Variants in LAT2 observed in about 807,000 individuals in gnomAD.
The protein encoded by LAT2 is linker for activation of T-cells family member 2.
Under a neutral mutation model 43.4 loss-of-function variants are expected in LAT2, and 23 were observed. That is an observed-to-expected ratio of 0.53 (90% CI 0.38 to 0.75). The LOEUF is 0.75. Ranked by LOEUF, LAT2 falls within the 30% of genes least tolerant of loss-of-function variation. LAT2 has a pLI of 0.00. For missense variants in LAT2, 284 were observed against 310.2 expected (o/e 0.92, Z 0.64); for synonymous variants, 128 against 123.2 (o/e 1.04, Z -0.26).
intron 13 of LAT2, among the ~76,000 whole-genome samples, chr7:74,227,055 C>CTT (rs35992128): frequency 8.2e-5 from 11 of 133,856 alleles, no homozygotes; most frequent in African/African-American, 2.5e-4. Flanking sequence ...GTTGTTTTTT[C>CTT]TTTTTTTTTT....
At chr7:74,214,776 A>AATATATATATATACATATATATATAAAT (rs1801969797) in intron 1 of LAT2, 46 bp from the exon 2 acceptor site, 1 of 60,952 alleles carries the variant, frequency 1.6e-5, no homozygotes, top group African/African-American at 9.0e-5. Flanking sequence ...TATATATATA[A>AATATATATATATACATATATATATAAAT]ATATATATAT....
intron 9 of LAT2, among the ~76,000 whole-genome samples, chr7:74,221,089 G>A (rs1472296850): frequency 6.6e-6 from 1 of 152,096 alleles, no homozygotes; most frequent in Non-Finnish European, 1.5e-5. Context: ...TCTCACAGAT[G>A]GGCAAACGAT....
chr7:74,212,276 A>T (rs1801760087), intron 1 of LAT2, among the ~76,000 whole-genome samples: 1 of 149,974 alleles, frequency 6.7e-6, no homozygotes, highest in African/African-American at 2.4e-5. Context: ...TATTTAATTT[A>T]TTATTATTAT....
At chr7:74,218,280 TCTGA>T (rs1478940802) in intron 4 of LAT2, among the ~76,000 whole-genome samples, 2 of 152,202 alleles carry the variant, frequency 1.3e-5, no homozygotes, top group Non-Finnish European at 1.5e-5. Context: ...GGAAGCCACG[TCTGA>T]CTGACTCTCT....
In LAT2 at chr7:74,220,458, G is replaced by A. The variant is rs1802223841; in HGVS notation, c.266-126G>A. On this transcript the variant is annotated intron_variant, in intron 7 of 13. Transcript: ENST00000460943. This position sits in a 1 kb window ranked among gnomAD's most constrained non-coding sequence, Gnocchi z 4.5. The stretch of plus-strand genomic sequence containing the variant: ...TGCACACTCGCACATGCCCCACTGA[G>A]GGGACAGGGAGCACTGCAAAGGCTC... 7.5e-7 allele frequency: 1 copy of A among 1,333,040 alleles called. No individual in the cohort carries two copies. The highest frequency in any genetic ancestry group is 1.1e-6 in the Non-Finnish European group (1 of 940,524). 82.6% of individuals were successfully genotyped at this position (1,333,040 alleles called of 1,614,324 possible).
At chr7:74,223,684 T>G (rs1802374199) in intron 10 of LAT2, 40 bp from the exon 11 acceptor site, 1 of 1,587,268 alleles carries the variant, frequency 6.3e-7, no homozygotes, top group African/African-American at 1.3e-5. Context: ...CTTTGCAGGG[T>G]CTGCCCACAC....
At chr7:74,216,138 C>T (rs1261605166) in intron 3 of LAT2, 69 bp downstream of exon 3, 3 of 1,326,474 alleles carry the variant, frequency 2.3e-6, no homozygotes, top group African/African-American at 2.9e-5. Flanking sequence ...CCCTCTCAGG[C>T]CCAGACGTGG....
chr7:74,218,700 CTTTA>C (rs1802135012), intron 4 of LAT2, among the ~76,000 whole-genome samples: 1 of 152,156 alleles, frequency 6.6e-6, no homozygotes, highest in Admixed American at 6.6e-5. Context: ...TTATTTATTT[CTTTA>C]TTTATTTAGA....
At position 74,220,475 on chromosome 7, in the gene LAT2, C is replaced by T; in HGVS notation, c.266-109C>T. 1 of 1,453,488 alleles carries T rather than the reference C, an allele frequency of 6.9e-7. No homozygotes were observed. Among genetic ancestry groups the T allele is most frequent in the Non-Finnish European group, 9.6e-7 (1 of 1,045,066 alleles). The allele number at this position is 1,453,488 out of a possible 1,614,324, so 90.0% of individuals were successfully genotyped here. ...CCCACTGAGGGGACAGGGAGCACTG[C>T]AAAGGCTCAGACACGGGAAATAGCT... On this transcript the variant is annotated intron_variant, in intron 7 of 13. Transcript: ENST00000460943. The surrounding 1 kb of genome is among the most constrained non-coding windows in gnomAD (Gnocchi z 4.5).
At chr7:74,214,671 T>A (rs1189393565) in intron 1 of LAT2, among the ~76,000 whole-genome samples, 151 bp from the exon 2 acceptor site, 1 of 79,168 alleles carries the variant, frequency 1.3e-5, no homozygotes, top group South Asian at 3.7e-4. Context: ...AATATATATA[T>A]AAATATATAT....
chr7:74,216,808 C>T lies in LAT2; in HGVS notation c.95-17C>T. The T allele has an allele frequency of 1.2e-6, 2 of 1,613,464 alleles. No homozygotes were observed. Among genetic ancestry groups the T allele is most frequent in the South Asian group, 1.1e-5 (1 of 91,062 alleles). ...GCTGCTCCCAGACCCTTTGCTAATC[C>T]TGGCCTTTTCTTGCAGGTGCAAAGA... On this transcript the variant is annotated splice_polypyrimidine_tract_variant and intron_variant, in intron 3 of 13. Coordinates refer to ENST00000460943, the MANE Select transcript of LAT2 (RefSeq NM_032464.3).
At chr7:74,213,852 C>G (rs982841323) in intron 1 of LAT2, among the ~76,000 whole-genome samples, 3 of 151,382 alleles carry the variant, frequency 2.0e-5, no homozygotes. Flanking sequence ...AGTGGACACT[C>G]GGGAGTGTTG....
intron 13 of LAT2, chr7:74,225,973 C>A (rs1554716048): frequency 2.6e-5 from 4 of 152,264 alleles, no homozygotes; most frequent in Non-Finnish European, 5.9e-5. Context: ...AACCCCTGAC[C>A]CCTTAGAACT....
chr7:74,221,527 CAA>C, intron 9 of LAT2, 108 bp from the exon 10 acceptor site: 1 of 696,100 alleles, frequency 1.4e-6, no homozygotes, highest in Non-Finnish European at 2.4e-6. Context: ...CCATGGCCCC[CAA>C]GAGGAGCAAT....
intron 1 of LAT2, among the ~76,000 whole-genome samples, chr7:74,213,619 T>G (rs887298428): frequency 6.6e-6 from 1 of 151,888 alleles, no homozygotes; most frequent in Non-Finnish European, 1.5e-5. Flanking sequence ...GAGATGGGGT[T>G]TCACCATGTT....
chr7:74,220,136 CA>C lies in LAT2; in HGVS notation c.228-79del. 1.9e-6 allele frequency: 3 copies of C among 1,563,838 alleles called. No homozygotes were observed. Among genetic ancestry groups the C allele is most frequent in the Non-Finnish European group, 2.6e-6 (3 of 1,146,316 alleles). On this transcript the variant is annotated intron_variant, in intron 6 of 13. Coordinates refer to ENST00000460943, the MANE Select transcript of LAT2 (RefSeq NM_032464.3). This position sits in a 1 kb window ranked among gnomAD's most constrained non-coding sequence, Gnocchi z 4.5. ...CCAGGGCTCAGCTATGAAGGCCCCA[CA>C]AGGGGTATGGGGGGATGTGTCCTGG...
intron 4 of LAT2, among the ~76,000 whole-genome samples, chr7:74,218,264 C>A (rs1417569860): frequency 7.9e-5 from 12 of 152,224 alleles, no homozygotes; most frequent in Non-Finnish European, 1.5e-5. Flanking sequence ...TCTGTTGCTT[C>A]TCCCAGGAAG....
intron 1 of LAT2, among the ~76,000 whole-genome samples, chr7:74,212,955 A>G (rs891821380): frequency 3.3e-5 from 5 of 152,104 alleles, no homozygotes; most frequent in African/African-American, 9.7e-5. Flanking sequence ...TCAGGGCCGC[A>G]TGGAGATTCC....
chr7:74,219,826 G>A, intron 5 of LAT2, 39 bp downstream of exon 5: 3 of 1,613,616 alleles, frequency 1.9e-6, no homozygotes, highest in Non-Finnish European at 2.5e-6. Context: ...CTCTGGGTTG[G>A]GGGTGTCCCT....
Sources: gnomAD v4.1 joint callset for allele counts (sites outside exome capture counted in the v4.1 genomes callset) on GRCh38, gnomAD v4.1.1 for gene constraint, Gnocchi (gnomAD v3.1) non-coding constraint, MANE v1.5 for transcripts, NCBI Gene and HGNC (gene_info 2026-07-23, HGNC 2026-07-21) for gene names.